The following FAM3C variants were observed in gnomAD, a reference collection of about 807,000 sequenced individuals.
The protein encoded by FAM3C is FAM3 metabolism regulating signaling molecule C.
A neutral mutation model predicts 32.5 loss-of-function variants in FAM3C; 15 were observed. That is an observed-to-expected ratio of 0.46 (90% CI 0.31 to 0.71). FAM3C has a LOEUF of 0.71. FAM3C is among the 30% of genes least tolerant of loss of function. The probability of loss-of-function intolerance (pLI) is 0.05; values close to 1 mark genes in which losing one functional copy is unlikely to be tolerated. For missense variants in FAM3C, 175 were observed against 274.4 expected, an observed-to-expected ratio of 0.64 and a Z score of 2.56; for synonymous variants, 75 against 86.1, an observed-to-expected ratio of 0.87 and a Z score of 0.72.
intron 3 of FAM3C, among the ~76,000 whole-genome samples, chr7:121,372,588 G>A (rs942279636): frequency 6.6e-5 from 10 of 152,156 alleles, no homozygotes; most frequent in African/African-American, 1.9e-4. Flanking sequence ...AGGAGATTGC[G>A]AGGGCCAGGG....
rs143108780 is a variant in FAM3C at position 121,368,861 on chromosome 7, A to G, written c.272+2439T>C. On this transcript the variant is annotated intron_variant, in intron 5 of 9. Transcript: ENST00000359943. ...CTTAGAAACTGTTCCATAACCCTCA[A>G]TCTAAAAGTTAGACACCTCTTTCCA... 5.0e-3 allele frequency among the ~76,000 whole-genome samples: 759 copies of G among 151,412 alleles called. 6 individuals carry two copies. Among genetic ancestry groups the G allele is most frequent in the Middle Eastern group, 0.024 (7 of 294 alleles).
chr7:121,371,988 C>CT (rs1794156614), intron 4 of FAM3C, 122 bp downstream of exon 4: 1 of 684,154 alleles, frequency 1.5e-6, no homozygotes, highest in Admixed American at 3.0e-5. Context: ...ATCCTCATAA[C>CT]TTTAAAAAGC....
chr7:121,358,049 G>A (rs1200976099), intron 8 of FAM3C, among the ~76,000 whole-genome samples: 1 of 152,054 alleles, frequency 6.6e-6, no homozygotes, highest in Non-Finnish European at 1.5e-5. Context: ...CCTGTTTTTT[G>A]ATGAGAGCCT....
chr7:121,371,564 C>T (rs1409020531), intron 4 of FAM3C, 141 bp from the exon 5 acceptor site: 3 of 913,484 alleles, frequency 3.3e-6, no homozygotes, highest in Non-Finnish European at 4.7e-6. Context: ...CTAATTTGTT[C>T]CCCTGAGGGT....
At chr7:121,368,571 C>T (rs905534117) in intron 5 of FAM3C, among the ~76,000 whole-genome samples, 1 of 152,128 alleles carries the variant, frequency 6.6e-6, no homozygotes, top group Non-Finnish European at 1.5e-5. Context: ...AATTATTTTA[C>T]ACAGCAACCA....
intron 1 of FAM3C, among the ~76,000 whole-genome samples, chr7:121,388,235 A>AACACAC (rs10676450): frequency 0.2 from 29,453 of 147,724 alleles, 4,265 homozygotes; most frequent in African/African-American, 0.41. Flanking sequence ...CCACCATTTT[A>AACACAC]ACACACACAC....
At chr7:121,369,454 A>C (rs1417427872) in intron 5 of FAM3C, among the ~76,000 whole-genome samples, 1 of 152,194 alleles carries the variant, frequency 6.6e-6, no homozygotes, top group East Asian at 1.9e-4. Context: ...CTTGGGTATA[A>C]AATCCCACCA....
At position 121,363,153 on chromosome 7, in the gene FAM3C, G is replaced by A. The variant is rs1793959375; in HGVS notation, c.332-206C>T. On this transcript the variant is annotated intron_variant, in intron 6 of 9. Coordinates refer to ENST00000359943, the MANE Select transcript of FAM3C (RefSeq NM_014888.3). Reference sequence around the variant, plus strand: ...ATGCACCTGAAATATATTTTTAAAGGGTAATTTCTTAATAGAACTTTCTCA... The same window carrying A: ...ATGCACCTGAAATATATTTTTAAAGAGTAATTTCTTAATAGAACTTTCTCA... 2.0e-5 allele frequency among the ~76,000 whole-genome samples: 3 copies of A among 151,942 alleles called. No homozygotes were observed. In the South Asian group the frequency reaches 6.2e-4, roughly 31 times the overall value.
chr7:121,366,842 A>T (rs2116904195), intron 5 of FAM3C, among the ~76,000 whole-genome samples: 1 of 152,330 alleles, frequency 6.6e-6, no homozygotes, highest in East Asian at 1.9e-4. Flanking sequence ...TTTCTTTCAG[A>T]AATACATTCA....
chr7:121,390,839 A>C (rs976567433), intron 1 of FAM3C, among the ~76,000 whole-genome samples: 2 of 25,822 alleles, frequency 7.7e-5, no homozygotes, highest in Admixed American at 1.4e-3. Flanking sequence ...ACACACAGGA[A>C]AGGCTGTGTG....
intron 5 of FAM3C, among the ~76,000 whole-genome samples, chr7:121,366,641 A>G (rs1037184651): frequency 6.6e-6 from 1 of 152,176 alleles, no homozygotes. Flanking sequence ...GAGATTGCAT[A>G]TATCTGTGAA....
At chr7:121,372,181 T>A in intron 3 of FAM3C, 42 bp from the exon 4 acceptor site, 1 of 1,394,410 alleles carries the variant, frequency 7.2e-7, no homozygotes, top group Non-Finnish European at 1.0e-6. Context: ...AATGAGTCTA[T>A]TGGCAAGTAT....
At position 121,350,306 on chromosome 7, in the gene FAM3C, G is replaced by A. The variant is rs1010235945; in HGVS notation, c.*155C>T. 4.7e-5 allele frequency: 30 copies of A among 643,792 alleles called. No homozygotes were observed. The highest frequency in any genetic ancestry group is 3.9e-4 in the African/African-American group (21 of 53,712). 39.9% of individuals were successfully genotyped at this position (643,792 alleles called of 1,614,324 possible). ...ATTATTTACAATGCTATCTATTTACGTTAGCAATAAATAATCCTGATATCA... is the reference window on the plus strand; with the variant it reads ...ATTATTTACAATGCTATCTATTTACATTAGCAATAAATAATCCTGATATCA... On this transcript the variant is annotated 3_prime_UTR_variant, in exon 10 of 10. Coordinates refer to ENST00000359943, the MANE Select transcript of FAM3C (RefSeq NM_014888.3).
At position 121,364,751 on chromosome 7, in the gene FAM3C, C is replaced by T. The variant is rs569849576; in HGVS notation, c.273-563G>A. 1.4e-4 allele frequency among the ~76,000 whole-genome samples: 21 copies of T among 152,176 alleles called. No homozygotes were observed. In the South Asian group the frequency reaches 3.7e-3, roughly 27 times the overall value. On this transcript the variant is annotated intron_variant, in intron 5 of 9. Coordinates refer to ENST00000359943, the MANE Select transcript of FAM3C (RefSeq NM_014888.3). ...CACTGCATTGAATGACAGTCACTTA[C>T]GTGGTGACTACCTGAAATAATCGAC... is the stretch of plus-strand genomic sequence containing the variant.
At chr7:121,363,267 A>ATAT (rs1464717383) in intron 6 of FAM3C, among the ~76,000 whole-genome samples, 2 of 152,192 alleles carry the variant, frequency 1.3e-5, no homozygotes, top group Non-Finnish European at 2.9e-5. Flanking sequence ...CGTTGTTTCC[A>ATAT]TATTCTCTTA....
In FAM3C at chr7:121,387,705, T is replaced by C. The variant is rs1794491385; in HGVS notation, c.-41-4695A>G. Reference sequence around the variant, plus strand: ...CCAATAAAAATTAATCTCACTATATTACACTTCAGTAACTATAAAAATTAT... The same window carrying C: ...CCAATAAAAATTAATCTCACTATATCACACTTCAGTAACTATAAAAATTAT... On this transcript the variant is annotated intron_variant, in intron 1 of 9. Coordinates refer to ENST00000359943, the MANE Select transcript of FAM3C (RefSeq NM_014888.3). Among the ~76,000 whole-genome samples the C allele has an allele frequency of 5.3e-5, 8 of 152,236 alleles. 1 individual carries two copies. In the South Asian group the frequency reaches 1.7e-3, roughly 32 times the overall value.
chr7:121,361,540 C>T (rs1562884971), intron 7 of FAM3C, among the ~76,000 whole-genome samples: 1 of 152,192 alleles, frequency 6.6e-6, no homozygotes, highest in Non-Finnish European at 1.5e-5. Flanking sequence ...CTTTGTAAGA[C>T]TCTTTCTATC....
intron 3 of FAM3C, among the ~76,000 whole-genome samples, chr7:121,377,654 G>C (rs1389260883): frequency 5.9e-5 from 9 of 152,170 alleles, no homozygotes; most frequent in Non-Finnish European, 1.3e-4. Context: ...GCTGCCTAAT[G>C]ACATTTCAGT....
rs559990997 is a variant in FAM3C at position 121,365,230 on chromosome 7, T to C, written c.273-1042A>G. ...ATCTGCAGCTGAACTATGGTTGCAATTGATGAATGAGCTCAGTTCTAACAA... is the reference window on the plus strand; with the variant it reads ...ATCTGCAGCTGAACTATGGTTGCAACTGATGAATGAGCTCAGTTCTAACAA... On this transcript the variant is annotated intron_variant, in intron 5 of 9. Coordinates refer to ENST00000359943, the MANE Select transcript of FAM3C (RefSeq NM_014888.3). Among the ~76,000 whole-genome samples the C allele has an allele frequency of 1.8e-4, 27 of 152,258 alleles. 1 individual carries two copies. The highest frequency in any genetic ancestry group is 5.2e-4 in the Admixed American group (8 of 15,292).
Sources: gnomAD v4.1 joint callset for allele counts (sites outside exome capture counted in the v4.1 genomes callset) on GRCh38, gnomAD v4.1.1 for gene constraint, MANE v1.5 for transcripts, NCBI Gene and HGNC (gene_info 2026-07-23, HGNC 2026-07-21) for gene names.